PTPRD: variants seen among roughly 807,000 people sequenced by gnomAD.
The protein encoded by PTPRD is receptor-type tyrosine-protein phosphatase delta.
In PTPRD, 34 loss-of-function variants were observed where a neutral mutation model predicts 214.5. That is an observed-to-expected ratio of 0.16 (90% confidence interval 0.12 to 0.21). PTPRD has a LOEUF of 0.21. Ranked by LOEUF, PTPRD falls within the 10% of genes least tolerant of loss-of-function variation. PTPRD has a pLI of 1.00. For missense variants in PTPRD, 2,545 were observed against 2,398.7 expected, an observed-to-expected ratio of 1.06 and a Z score of -1.27; for synonymous variants, 1,128 against 845.7, an observed-to-expected ratio of 1.33 and a Z score of -5.79.
chr9:10,385,311 G>C (rs999440601), intron 2 of PTPRD, among the ~76,000 whole-genome samples: 4 of 151,684 alleles, frequency 2.6e-5, no homozygotes, highest in Non-Finnish European at 2.9e-5. Context: ...TAAACTTTAA[G>C]CTCCTTAAGG....
chr9:8,493,130 T>C (rs2097184711), intron 26 of PTPRD, 151 bp from the exon 27 acceptor site: 1 of 644,520 alleles, frequency 1.6e-6, no homozygotes, highest in Admixed American at 2.5e-5. Context: ...GCTCATGCTA[T>C]GGAGATCTGT....
chr9:8,535,407 T>C (rs1440308911), intron 14 of PTPRD, among the ~76,000 whole-genome samples: 1 of 151,940 alleles, frequency 6.6e-6, no homozygotes, highest in Non-Finnish European at 1.5e-5. Flanking sequence ...TCTTTTCCCT[T>C]TGAACAAGAT....
At chr9:9,573,974 T>C (rs1045925372) in intron 8 of PTPRD, among the ~76,000 whole-genome samples, 4 of 151,794 alleles carry the variant, frequency 2.6e-5, no homozygotes, top group African/African-American at 7.2e-5. Context: ...CCCCCAAGTA[T>C]AGAATGTATG....
At chr9:10,322,724 G>T (rs1284423531) in intron 3 of PTPRD, among the ~76,000 whole-genome samples, 1 of 151,994 alleles carries the variant, frequency 6.6e-6, no homozygotes, top group Non-Finnish European at 1.5e-5. Flanking sequence ...GTACCAATTG[G>T]TTTTGTATCT....
chr9:8,798,630 C>T (rs890146338), intron 11 of PTPRD, among the ~76,000 whole-genome samples: 1 of 152,192 alleles, frequency 6.6e-6, no homozygotes, highest in Non-Finnish European at 1.5e-5. Context: ...ATTCATTTAA[C>T]AAACGTGTAT....
intron 2 of PTPRD, among the ~76,000 whole-genome samples, chr9:10,439,024 A>C (rs142088671): frequency 2.6e-5 from 4 of 151,794 alleles, no homozygotes; most frequent in Non-Finnish European, 5.9e-5. Flanking sequence ...GCTAAATGGG[A>C]TATTAACAAA....
chr9:8,434,690 A>G (rs1308567944), intron 35 of PTPRD, among the ~76,000 whole-genome samples: 1 of 152,228 alleles, frequency 6.6e-6, no homozygotes, highest in African/African-American at 2.4e-5. Flanking sequence ...CAAAATAATA[A>G]GAATCATATA....
At chr9:9,445,059 T>C (rs562071251) in intron 8 of PTPRD, among the ~76,000 whole-genome samples, 6 of 152,338 alleles carry the variant, frequency 3.9e-5, no homozygotes, top group East Asian at 3.9e-4. Context: ...AATAAATGAA[T>C]TGGCATGTGA....
intron 7 of PTPRD, among the ~76,000 whole-genome samples, chr9:9,623,288 G>T (rs923199461): frequency 2.0e-5 from 3 of 152,244 alleles, no homozygotes; most frequent in African/African-American, 7.2e-5. Context: ...GCACAATGAG[G>T]ATGTTTTAGC....
At chr9:9,062,814 T>C (rs2099710008) in intron 10 of PTPRD, among the ~76,000 whole-genome samples, 1 of 152,210 alleles carries the variant, frequency 6.6e-6, no homozygotes, top group Admixed American at 6.5e-5. Context: ...TTGATTTTAA[T>C]AGGCACCATG....
chr9:8,581,710 G>T (rs985080199), intron 14 of PTPRD, among the ~76,000 whole-genome samples: 2 of 151,330 alleles, frequency 1.3e-5, no homozygotes, highest in South Asian at 2.1e-4. Context: ...TCCCGCTACT[G>T]CACTCTAGCC....
chr9:10,149,362 T>C (rs1220550271), intron 3 of PTPRD, among the ~76,000 whole-genome samples: 4 of 152,194 alleles, frequency 2.6e-5, no homozygotes, highest in Admixed American at 2.6e-4. Flanking sequence ...TTGTTTTGTG[T>C]GTACAAAAAG....
At chr9:9,364,270 C>T (rs911074148) in intron 9 of PTPRD, among the ~76,000 whole-genome samples, 1 of 151,340 alleles carries the variant, frequency 6.6e-6, no homozygotes, top group African/African-American at 2.4e-5. Context: ...AATTCATATA[C>T]AGGCACTGTT....
intron 11 of PTPRD, among the ~76,000 whole-genome samples, chr9:8,842,063 C>G (rs1339688957): frequency 6.7e-6 from 1 of 148,516 alleles, no homozygotes; most frequent in Admixed American, 6.7e-5. Context: ...TTTTTTTAAA[C>G]AAAAATAACT....
At chr9:8,812,546 C>T (rs971046496) in intron 11 of PTPRD, among the ~76,000 whole-genome samples, 3 of 152,184 alleles carry the variant, frequency 2.0e-5, no homozygotes, top group South Asian at 4.2e-4. Flanking sequence ...ACATGTGCAA[C>T]GACTTAAGAA....
At chr9:9,650,586 T>C (rs575467289) in intron 7 of PTPRD, among the ~76,000 whole-genome samples, 1 of 152,232 alleles carries the variant, frequency 6.6e-6, no homozygotes, top group East Asian at 1.9e-4. Context: ...TATGAACATA[T>C]GGACACCTAG....
chr9:8,353,935 TAC>T (rs2076295184), intron 39 of PTPRD, among the ~76,000 whole-genome samples: 3 of 55,592 alleles, frequency 5.4e-5, no homozygotes, highest in African/African-American at 2.1e-4. Flanking sequence ...TATGTGTGTG[TAC>T]ATATATATAT....
chr9:10,470,190 T>A (rs1310190874), intron 2 of PTPRD, among the ~76,000 whole-genome samples: 2 of 152,118 alleles, frequency 1.3e-5, no homozygotes, highest in East Asian at 3.9e-4. Context: ...ATTTGATCAT[T>A]AAACATTATA....
chr9:9,237,024 T>C (rs10117765), intron 9 of PTPRD, among the ~76,000 whole-genome samples: 36,911 of 152,046 alleles, frequency 0.24, 4,989 homozygotes, highest in East Asian at 0.39. Context: ...ACTTTGGTTC[T>C]TATTTGTTTG....
Sources: allele counts gnomAD v4.1 joint callset (sites outside exome capture counted in the v4.1 genomes callset), GRCh38; gene constraint gnomAD v4.1.1; transcripts MANE v1.5; gene names NCBI Gene and HGNC (gene_info 2026-07-23, HGNC 2026-07-21).